The following RGS5 variants were observed in gnomAD, a reference collection of about 807,000 sequenced individuals.
The protein encoded by RGS5 is regulator of G-protein signalling 5.
Under a neutral mutation model 18.9 loss-of-function variants are expected in RGS5, and 20 were observed. The observed-to-expected ratio is 1.06, with a 90% CI of 0.74 to 1.54. The LOEUF (loss-of-function observed/expected upper bound fraction) is 1.54. RGS5 is among the 40% of genes most tolerant of loss of function. RGS5 has a pLI of 0.00. For missense variants in RGS5, 201 were observed against 211.8 expected (o/e 0.95, Z 0.32); for synonymous variants, 57 against 76.2 (o/e 0.75, Z 1.31).
intron 1 of RGS5, among the ~76,000 whole-genome samples, chr1:163,175,909 G>A (rs1338307148): frequency 6.6e-6 from 1 of 152,144 alleles, no homozygotes; most frequent in Non-Finnish European, 1.5e-5. Flanking sequence ...GTATTAATGT[G>A]TTATGATATG....
At chr1:163,272,466 T>C (rs1439307648) in intron 2 of RGS5, among the ~76,000 whole-genome samples, 2 of 152,156 alleles carry the variant, frequency 1.3e-5, no homozygotes, top group African/African-American at 4.8e-5. Context: ...GGTCATCTTA[T>C]GTACGAACTT....
chr1:163,299,543 T>C (rs941700196), intron 2 of RGS5, among the ~76,000 whole-genome samples: 8 of 152,168 alleles, frequency 5.3e-5, no homozygotes, highest in Admixed American at 4.6e-4. Context: ...AAGATAATAA[T>C]GTCAACACAG....
intron 2 of RGS5, among the ~76,000 whole-genome samples, chr1:163,276,254 A>G (rs747340540): frequency 5.3e-5 from 8 of 152,146 alleles, no homozygotes; most frequent in Non-Finnish European, 1.0e-4. Flanking sequence ...TTGGCCTCCC[A>G]AAGTGCTGGG....
chr1:163,290,489 T>C (rs1352909340), intron 2 of RGS5, among the ~76,000 whole-genome samples: 1 of 152,206 alleles, frequency 6.6e-6, no homozygotes. Context: ...TCAGTGTGTT[T>C]ATAGAGAAGT....
At chr1:163,191,965 T>C (rs1214306278) in intron 1 of RGS5, among the ~76,000 whole-genome samples, 1 of 152,116 alleles carries the variant, frequency 6.6e-6, no homozygotes, top group African/African-American at 2.4e-5. Flanking sequence ...TCTGGGTTGG[T>C]GAACAAAAAT....
At chr1:163,259,310 C>A (rs914607147) in intron 2 of RGS5, among the ~76,000 whole-genome samples, 2 of 147,270 alleles carry the variant, frequency 1.4e-5, no homozygotes, top group East Asian at 3.9e-4. Flanking sequence ...TGCCACCATG[C>A]CCGGCTAATT....
chr1:163,233,085 G>A (rs558300640), intron 2 of RGS5, among the ~76,000 whole-genome samples: 413 of 152,170 alleles, frequency 2.7e-3, no homozygotes, highest in Non-Finnish European at 4.8e-3. Context: ...GGAGAATAAA[G>A]GTCAATTTTT....
At chr1:163,264,024 A>C in intron 2 of RGS5, among the ~76,000 whole-genome samples, 1 of 151,930 alleles carries the variant, frequency 6.6e-6, no homozygotes, top group East Asian at 1.9e-4. Flanking sequence ...TATGTATGTA[A>C]GCCTTTCATT....
intron 1 of RGS5, among the ~76,000 whole-genome samples, chr1:163,197,362 C>T (rs1216635641): frequency 2.0e-5 from 3 of 152,148 alleles, no homozygotes; most frequent in Non-Finnish European, 2.9e-5. Context: ...CTTCAAGCAT[C>T]ATCCGTATAA....
chr1:163,185,207 C>T (rs1359761107), intron 1 of RGS5, among the ~76,000 whole-genome samples: 1 of 150,868 alleles, frequency 6.6e-6, no homozygotes, highest in Non-Finnish European at 1.5e-5. Flanking sequence ...TCTTTATTTA[C>T]ACACACACAC....
chr1:163,263,350 TC>T (rs565485906), intron 2 of RGS5, among the ~76,000 whole-genome samples: 230 of 152,320 alleles, frequency 1.5e-3, no homozygotes, highest in African/African-American at 5.2e-3. Flanking sequence ...TAGGTTCTTT[TC>T]CCCTTCAAAG....
At chr1:163,193,997 C>T (rs548613315) in intron 1 of RGS5, among the ~76,000 whole-genome samples, 1 of 152,028 alleles carries the variant, frequency 6.6e-6, no homozygotes, top group Non-Finnish European at 1.5e-5. Context: ...TTTATCTTGC[C>T]CTCAGTGACA....
chr1:163,166,885 T>C (rs1557886431), intron 2 of RGS5, among the ~76,000 whole-genome samples: 1 of 152,206 alleles, frequency 6.6e-6, no homozygotes, highest in Non-Finnish European at 1.5e-5. Context: ...AACGGATCAA[T>C]AAATTGTCAC....
At chr1:163,230,894 A>C (rs1180035153) in intron 2 of RGS5, among the ~76,000 whole-genome samples, 1 of 152,248 alleles carries the variant, frequency 6.6e-6, no homozygotes, top group African/African-American at 2.4e-5. Context: ...TGTCCTTTTA[A>C]AAAAATCCAC....
intron 2 of RGS5, among the ~76,000 whole-genome samples, chr1:163,251,789 GACTT>G (rs1648113453): frequency 2.0e-5 from 3 of 152,100 alleles, no homozygotes; most frequent in Admixed American, 2.0e-4. Flanking sequence ...TTTTGAGATT[GACTT>G]ACTTTCACTC....
upstream of RGS5, among the ~76,000 whole-genome samples, chr1:163,205,718 T>A (rs1435251581): frequency 1.3e-5 from 2 of 152,170 alleles, no homozygotes; most frequent in Non-Finnish European, 2.9e-5. Flanking sequence ...AGGAGTTAGC[T>A]GTGCAAGTGG....
chr1:163,246,051 TA>T (rs1186081131), intron 2 of RGS5, among the ~76,000 whole-genome samples: 9 of 149,300 alleles, frequency 6.0e-5, no homozygotes, highest in East Asian at 2.0e-4. Flanking sequence ...CCGTCTCTAC[TA>T]AAAAAATACA....
At chr1:163,232,357 A>G (rs1478471703) in intron 2 of RGS5, among the ~76,000 whole-genome samples, 2 of 152,176 alleles carry the variant, frequency 1.3e-5, no homozygotes, top group Non-Finnish European at 2.9e-5. Flanking sequence ...CAAATAATGT[A>G]TATCTGATAT....
chr1:163,297,122 G>A (rs187668138), intron 2 of RGS5, among the ~76,000 whole-genome samples: 54 of 152,266 alleles, frequency 3.5e-4, no homozygotes, highest in African/African-American at 1.3e-3. Flanking sequence ...AAGACAGTTG[G>A]AGGTAAAGAA....
Sources: allele counts gnomAD v4.1 joint callset (sites outside exome capture counted in the v4.1 genomes callset), GRCh38; gene constraint gnomAD v4.1.1; transcripts MANE v1.5; gene names NCBI Gene and HGNC (gene_info 2026-07-23, HGNC 2026-07-21).